Variants in HSPG2 observed in about 807,000 individuals in gnomAD.
HSPG2 encodes basement membrane-specific heparan sulfate proteoglycan core protein.
In HSPG2, 278 loss-of-function variants were observed where a neutral mutation model predicts 526.6. The ratio of observed to expected loss-of-function variants is 0.53; its 90% CI spans 0.48 to 0.58. The LOEUF (loss-of-function observed/expected upper bound fraction) is 0.58. Ranked by LOEUF, HSPG2 falls within the 20% of genes least tolerant of loss-of-function variation. HSPG2 has a pLI of 0.00. For synonymous variants in HSPG2, 2,465 were observed against 2,555.4 expected, an observed-to-expected ratio of 0.96 and a Z score of 1.07; for missense variants, 5,354 against 6,099.5, an observed-to-expected ratio of 0.88 and a Z score of 4.07.
rs1557756444 is a variant in HSPG2, at chr1:21,872,452, G to A, written c.4030-75C>T. ...GGTGGGGGATGGGGCACGGGAGGGT[G>A]TTAAGGTGCGGAATGGGGTCCTGTT... On this transcript the variant is annotated intron_variant, in intron 32 of 96. Transcript: ENST00000374695. The surrounding 1 kb of genome is among the most constrained non-coding windows in gnomAD (Gnocchi z 5.5). The A allele has an allele frequency of 1.4e-5, 20 of 1,440,632 alleles. No homozygotes were observed. In the South Asian group the frequency reaches 2.5e-4, roughly 18 times the overall value. The allele number at this position is 1,440,632 out of a possible 1,614,324, so 89.2% of individuals were successfully genotyped here.
chr1:21,885,108 C>T lies in HSPG2; in HGVS notation c.1260G>A (p.Arg420=). 1 of 1,613,142 alleles carries T rather than the reference C, an allele frequency of 6.2e-7. No individual in the cohort carries two copies. Among genetic ancestry groups the T allele is most frequent in the East Asian group, 2.2e-5 (1 of 44,842 alleles). The change falls in exon 11 of 97, where the codon CGG becomes CGA. Residue 420 remains arginine (R), a synonymous_variant. Coordinates refer to ENST00000374695, the MANE Select transcript of HSPG2 (RefSeq NM_005529.7). ...TPPRESIQAS[R]GQTVTFTCVA... ...CGCAGGTGAAGGTCACTGTCTGGCC[C>T]CGGGAAGCCTGGATGGACTCCCGGG...
In HSPG2 at chr1:21,842,859, T is replaced by C; in HGVS notation, c.8821A>G (p.Thr2941Ala). 2 of 1,613,944 alleles carry C rather than the reference T, an allele frequency of 1.2e-6. No homozygotes were observed. The highest frequency in any genetic ancestry group is 1.7e-6 in the Non-Finnish European group (2 of 1,179,984). The change falls in exon 67 of 97, where the codon ACT (threonine) becomes GCT (alanine). Residue 2941 changes from threonine to alanine, a missense_variant. Thr to Ala is a moderately conservative substitution (Grantham distance 58). Transcript: ENST00000374695. ...GGCACCACACAGTTCAGATCCAGAG[T>C]CTGCCCTTCAGTCACGTGTGAAGAG... is the stretch of plus-strand genomic sequence containing the variant. ...ASSSHVTEGQ[T>A]LDLNCVVPGQ...
chr1:21,890,693 A>C lies in HSPG2; in HGVS notation c.246T>G (p.Val82=). 5 of 1,611,142 alleles carry C rather than the reference A, an allele frequency of 3.1e-6. No individual in the cohort carries two copies. Among genetic ancestry groups the C allele is most frequent in the Non-Finnish European group, 4.2e-6 (5 of 1,177,646 alleles). ...GDLGSGDFQM[V]YFRALVNFTR... Reference sequence around the variant, plus strand: ...TGAAATTCACCAGGGCTCGGAAATAAACTGGAAAATCGAAGGAGGATCATT... The same window carrying C: ...TGAAATTCACCAGGGCTCGGAAATACACTGGAAAATCGAAGGAGGATCATT... Residue 82 remains valine (V), a splice_region_variant and synonymous_variant, in exon 4 of 97, where the codon GTT becomes GTG. Transcript: ENST00000374695. This position sits in a 1 kb window ranked among gnomAD's most constrained non-coding sequence, Gnocchi z 4.1.
chr1:21,839,370 C>A lies in HSPG2; in HGVS notation c.9889+1G>T. The A allele has an allele frequency of 6.2e-7, 1 of 1,611,814 alleles. No homozygotes were observed. The highest frequency in any genetic ancestry group is 2.2e-5 in the East Asian group (1 of 44,882). The stretch of plus-strand genomic sequence containing the variant: ...CAGACAAAGAAGGGATGAGGCCTTA[C>A]TCTCCACGTGCAGGATGATGGTGGC... On this transcript the variant is annotated splice_donor_variant, in intron 73 of 96. Coordinates refer to ENST00000374695, the MANE Select transcript of HSPG2 (RefSeq NM_005529.7). LOFTEE classifies it high-confidence loss of function. The surrounding 1 kb of genome is among the most constrained non-coding windows in gnomAD (Gnocchi z 4.5).
Position 21,852,117 on chromosome 1 carries a change from G to C in HSPG2, c.6841C>G (p.Arg2281Gly). The C allele has an allele frequency of 6.2e-7, 1 of 1,613,740 alleles. No homozygotes were observed. The highest frequency in any genetic ancestry group is 8.5e-7 in the Non-Finnish European group (1 of 1,180,028). Reference protein sequence around the residue: ...QAHAQVTWYKRGGSLPARHQV... With the variant: ...QAHAQVTWYKGGGSLPARHQV... ...TGCCGGGCAGGGAGGCTGCCCCCAC[G>C]CTTGTACCATGTGACCTGGGCGTGG... Residue 2281 changes from arginine to glycine, a missense_variant, in exon 53 of 97, where the codon CGT becomes GGT. Arg to Gly is a moderately radical substitution (Grantham distance 125). Transcript: ENST00000374695.
chr1:21,833,991 C>G (rs1178422703), intron 77 of HSPG2, 66 bp from the exon 78 acceptor site: 7 of 1,073,388 alleles, frequency 6.5e-6, no homozygotes, highest in Admixed American at 2.0e-5. Flanking sequence ...CAGCCTGCAC[C>G]CTGATTCATT....
At chr1:21,875,295 C>T (rs552110684) in intron 25 of HSPG2, 1 of 595,264 alleles carries the variant, frequency 1.7e-6, no homozygotes, top group South Asian at 2.0e-5. Context: ...AAAGAACGAT[C>T]ACTCTCCGGC....
At chr1:21,868,012 G>A (rs1460735505) in intron 33 of HSPG2, among the ~76,000 whole-genome samples, 1 of 150,866 alleles carries the variant, frequency 6.6e-6, no homozygotes, top group Non-Finnish European at 1.5e-5. Context: ...TTATAGGCAT[G>A]AGCCACCGCA....
In HSPG2 at chr1:21,847,865, C is replaced by T. The variant is rs375411584; in HGVS notation, c.7874-25G>A. 114 of 1,613,848 alleles carry T rather than the reference C, an allele frequency of 7.1e-5. No individual in the cohort carries two copies. The African/African-American group carries it at 1.1e-3, about 15-fold the overall frequency. ...ACTGGGGACAGACGGGTGTGGACCA[C>T]GCAGCCAGAGTGAGATAACAGTGAT... On this transcript the variant is annotated intron_variant, in intron 60 of 96. Transcript: ENST00000374695. This position sits in a 1 kb window ranked among gnomAD's most constrained non-coding sequence, Gnocchi z 4.1.
chr1:21,827,921 TA>T lies in HSPG2; in HGVS notation c.12533-3del. Reference sequence around the variant, plus strand: ...ACTCTGCTATGCCATGTCCAGAGCCTATGGAGAAGGGCAGGGTCCAGTTGGT... The same window carrying T: ...ACTCTGCTATGCCATGTCCAGAGCCTTGGAGAAGGGCAGGGTCCAGTTGGT... On this transcript the variant is annotated splice_polypyrimidine_tract_variant and splice_region_variant and intron_variant, in intron 90 of 96. Coordinates refer to ENST00000374695, the MANE Select transcript of HSPG2 (RefSeq NM_005529.7). 1.2e-6 allele frequency: 2 copies of T among 1,603,918 alleles called. No individual in the cohort carries two copies. Among genetic ancestry groups the T allele is most frequent in the Non-Finnish European group, 1.7e-6 (2 of 1,175,672 alleles).
rs2098028296 is a variant in HSPG2, at chr1:21,836,845, C to T, written c.10312G>A (p.Gly3438Ser). ...ACGCTGTGACCCGGAGGCAGCTGAC[C>T]CCCTTCCTTGAACCAACGGAGCTGG... ...GTQLRWFKEGGQLPPGHSVQD... is the reference protein window; with the variant it reads ...GTQLRWFKEGSQLPPGHSVQD... The change falls in exon 75 of 97, where the codon GGT becomes AGT. Residue 3438 changes from glycine to serine, a missense_variant. Physicochemically the swap from Gly to Ser is moderately conservative, Grantham distance 56. Coordinates refer to ENST00000374695, the MANE Select transcript of HSPG2 (RefSeq NM_005529.7). 1 of 1,581,782 alleles carries T rather than the reference C, an allele frequency of 6.3e-7. No homozygotes were observed. Among genetic ancestry groups the T allele is most frequent in the Non-Finnish European group, 8.6e-7 (1 of 1,164,884 alleles).
chr1:21,880,297 G>A (rs988568545), intron 16 of HSPG2, 43 bp from the exon 17 acceptor site: 3 of 1,613,832 alleles, frequency 1.9e-6, no homozygotes, highest in Admixed American at 1.7e-5. Flanking sequence ...GGACGGTGAG[G>A]CCCTGCCGTT....
rs776266667 is a variant in HSPG2 at position 21,851,523 on chromosome 1, C to G, written c.7158+23G>C. ...CAGGGACCCGCTTCCTCTTCTTGGC[C>G]TGTCTGTCCTCCAGTCCCATACCTG... On this transcript the variant is annotated intron_variant, in intron 55 of 96. Coordinates refer to ENST00000374695, the MANE Select transcript of HSPG2 (RefSeq NM_005529.7). 37 of 1,613,188 alleles carry G rather than the reference C, an allele frequency of 2.3e-5. No individual in the cohort carries two copies. The Admixed American group carries it at 5.3e-4, about 23-fold the overall frequency.
rs368643969 is a variant in HSPG2 at position 21,905,251 on chromosome 1, CCACACACACCCACACA to C, written c.64-8957_64-8942del. On this transcript the variant is annotated intron_variant, in intron 1 of 96. Coordinates refer to ENST00000374695, the MANE Select transcript of HSPG2 (RefSeq NM_005529.7). Reference sequence around the variant, plus strand: ...GTAATCTGTCTACACACACACCCACCCACACACACCCACACACACACACACACACGCCACGCTCCAA... The same window carrying C: ...GTAATCTGTCTACACACACACCCACCCACACACACACACGCCACGCTCCAA... 5.6e-3 allele frequency among the ~76,000 whole-genome samples: 756 copies of C among 134,066 alleles called. 4 individuals carry two copies. The highest frequency in any genetic ancestry group is 0.017 in the African/African-American group (668 of 38,456). 88.0% of individuals were successfully genotyped at this position (134,066 alleles called of 152,430 possible).
chr1:21,831,881 C>T, intron 81 of HSPG2, 85 bp from the exon 82 acceptor site: 11 of 1,407,938 alleles, frequency 7.8e-6, no homozygotes, highest in Non-Finnish European at 1.1e-5. Context: ...TAGAGGGGTC[C>T]CAGAGGAGGG....
rs561250387 is a variant in HSPG2, at chr1:21,909,033, G to A, written c.64-12723C>T. ...TGAGGCAGGAGAATCGCTTGAACCC[G>A]GGAGGTGGAGGTTGCAGTGGGCCAA... is the stretch of plus-strand genomic sequence containing the variant. On this transcript the variant is annotated intron_variant, in intron 1 of 96. Transcript: ENST00000374695. 5.1e-4 allele frequency among the ~76,000 whole-genome samples: 78 copies of A among 152,300 alleles called. 1 individual carries two copies. The South Asian group carries it at 0.013, about 26-fold the overall frequency.
At chr1:21,913,289 A>G (rs1293075229) in intron 1 of HSPG2, among the ~76,000 whole-genome samples, 3 of 152,172 alleles carry the variant, frequency 2.0e-5, no homozygotes, top group Non-Finnish European at 2.9e-5. Context: ...TCTGGCACCC[A>G]GAGCTGGTCC....
At chr1:21,909,129 T>C (rs1179950411) in intron 1 of HSPG2, among the ~76,000 whole-genome samples, 1 of 151,836 alleles carries the variant, frequency 6.6e-6, no homozygotes, top group African/African-American at 2.4e-5. Flanking sequence ...ACAGAAACAA[T>C]GTCAGGACAG....
rs1470701734 is a variant in HSPG2, at chr1:21,900,396, G to A, written c.64-4086C>T. ...CTTGAACACTGGCAGGACTGTGGGC[G>A]AGGGCTTCTGGGAGGCACCCAATCC... is the stretch of plus-strand genomic sequence containing the variant. On this transcript the variant is annotated intron_variant, in intron 1 of 96. Transcript: ENST00000374695. 2.6e-5 allele frequency among the ~76,000 whole-genome samples: 4 copies of A among 152,290 alleles called. No homozygotes were observed. The East Asian group carries it at 7.7e-4, about 29-fold the overall frequency.
Sources: gnomAD v4.1 joint callset for allele counts (sites outside exome capture counted in the v4.1 genomes callset) on GRCh38, gnomAD v4.1.1 for gene constraint, Gnocchi (gnomAD v3.1) non-coding constraint, MANE v1.5 for transcripts, NCBI Gene and HGNC (gene_info 2026-07-23, HGNC 2026-07-21) for gene names.